Variants in SOX6 observed in about 807,000 individuals in gnomAD.
SOX6 encodes the protein SRY-box transcription factor 6, also known as transcription factor SOX-6.
SOX6 carries 11 observed loss-of-function variants against 97.8 expected under a neutral mutation model. The ratio of observed to expected loss-of-function variants is 0.11; its 90% CI spans 0.07 to 0.19. SOX6 has a LOEUF of 0.19. SOX6 is among the 10% of genes least tolerant of loss of function. The pLI is 1.00. For synonymous variants in SOX6, 360 were observed against 371.4 expected (o/e 0.97, Z 0.35); for missense variants, 810 against 1,039.5 (o/e 0.78, Z 3.04).
intron 1 of SOX6, among the ~76,000 whole-genome samples, chr11:16,365,671 T>C (rs1857339593): frequency 6.6e-6 from 1 of 152,166 alleles, no homozygotes; most frequent in Non-Finnish European, 1.5e-5. Flanking sequence ...GACTGCTGCC[T>C]GCATTTCTGT....
intron 1 of SOX6, among the ~76,000 whole-genome samples, chr11:16,391,456 G>T (rs1168480156): frequency 2.6e-5 from 4 of 152,124 alleles, no homozygotes; most frequent in African/African-American, 9.7e-5. Context: ...AAATTTGTAA[G>T]ATTCTTGCAA....
At chr11:15,987,915 A>C (rs1409798457) in intron 14 of SOX6, among the ~76,000 whole-genome samples, 1 of 152,116 alleles carries the variant, frequency 6.6e-6, no homozygotes, top group Non-Finnish European at 1.5e-5. Context: ...CCACTATTTG[A>C]TCTTATGTAT....
intron 12 of SOX6, among the ~76,000 whole-genome samples, chr11:16,032,885 G>T (rs1855416903): frequency 6.6e-6 from 1 of 152,116 alleles, no homozygotes; most frequent in African/African-American, 2.4e-5. Flanking sequence ...TCCTTTGAGG[G>T]CATTTCAAGT....
intron 3 of SOX6, chr11:16,252,652 T>G (rs1030086855): frequency 6.6e-6 from 1 of 152,190 alleles, no homozygotes; most frequent in Non-Finnish European, 1.5e-5. Context: ...CATTCTGTTC[T>G]TTTTAACAAG....
chr11:16,516,505 G>A (rs1344981738), intron 4 of SOX6, among the ~76,000 whole-genome samples: 8 of 152,036 alleles, frequency 5.3e-5, no homozygotes, highest in South Asian at 4.2e-4. Flanking sequence ...TATCACCACC[G>A]ATCCCACAGA....
intron 3 of SOX6, chr11:16,645,862 T>C (rs1486929741): frequency 1.3e-5 from 2 of 152,192 alleles, no homozygotes; most frequent in African/African-American, 4.8e-5. Flanking sequence ...CAGTTTGTGG[T>C]ACTTTGTTAC....
chr11:16,535,977 A>T (rs562620446), intron 4 of SOX6, among the ~76,000 whole-genome samples: 42 of 152,340 alleles, frequency 2.8e-4, no homozygotes, highest in African/African-American at 9.6e-4. Flanking sequence ...TGACCCAAGC[A>T]TATTTCAATT....
chr11:16,589,104 T>TC (rs1302726306), intron 4 of SOX6, among the ~76,000 whole-genome samples: 1 of 152,186 alleles, frequency 6.6e-6, no homozygotes, highest in East Asian at 1.9e-4. Context: ...CTACTTCCTG[T>TC]CCCAGGTTTC....
chr11:16,459,145 T>C (rs1200620754), intron 1 of SOX6, among the ~76,000 whole-genome samples: 1 of 151,892 alleles, frequency 6.6e-6, no homozygotes, highest in Non-Finnish European at 1.5e-5. Flanking sequence ...CATTCTCCCA[T>C]CATCAAAAGT....
chr11:16,004,440 G>A (rs1854493615), intron 13 of SOX6, among the ~76,000 whole-genome samples: 1 of 151,832 alleles, frequency 6.6e-6, no homozygotes, highest in Non-Finnish European at 1.5e-5. Flanking sequence ...CATTTGTCTG[G>A]GGAATCTGTA....
At chr11:16,694,415 C>T (rs1023631670) in intron 3 of SOX6, among the ~76,000 whole-genome samples, 1 of 151,976 alleles carries the variant, frequency 6.6e-6, no homozygotes, top group Non-Finnish European at 1.5e-5. Flanking sequence ...CCCAGCTATT[C>T]AGGAGGCTAA....
chr11:16,532,272 C>A (rs941023695), intron 4 of SOX6, among the ~76,000 whole-genome samples: 6 of 151,816 alleles, frequency 4.0e-5, no homozygotes, highest in Non-Finnish European at 8.9e-5. Flanking sequence ...TAACACTACT[C>A]TATTTAGGAA....
At chr11:16,156,938 C>G (rs1339406718) in intron 6 of SOX6, among the ~76,000 whole-genome samples, 2 of 151,946 alleles carry the variant, frequency 1.3e-5, no homozygotes, top group Non-Finnish European at 2.9e-5. Flanking sequence ...TATTTGTTTA[C>G]AGTCTCTATC....
chr11:16,253,374 A>G (rs922842204), intron 3 of SOX6, among the ~76,000 whole-genome samples: 8 of 152,020 alleles, frequency 5.3e-5, no homozygotes, highest in African/African-American at 1.9e-4. Context: ...CTGAACAAGC[A>G]TCAGAGCCAG....
At chr11:16,182,451 C>T (rs565951225) in intron 6 of SOX6, among the ~76,000 whole-genome samples, 5 of 151,818 alleles carry the variant, frequency 3.3e-5, no homozygotes, top group African/African-American at 1.2e-4. Flanking sequence ...TTGACCTGAG[C>T]AGTAGGAGCT....
At chr11:16,419,080 AT>A (rs1858979031) in intron 1 of SOX6, among the ~76,000 whole-genome samples, 1 of 152,176 alleles carries the variant, frequency 6.6e-6, no homozygotes. Flanking sequence ...AATTTCTGCT[AT>A]TTTAATATCT....
rs192599258 is a variant in SOX6, at chr11:16,658,874, T to C, written n.430-46614A>G. Among the ~76,000 whole-genome samples the C allele has an allele frequency of 7.9e-3, 1,199 of 152,328 alleles. 14 individuals are homozygous for C. The highest frequency in any genetic ancestry group is 0.027 in the African/African-American group (1,143 of 41,574). On this transcript the variant is annotated intron_variant and non_coding_transcript_variant, in intron 3 of 5. Transcript: ENST00000524520. ...CTCATTAAGAGTATATAAGTAGTTATCCTTTTAGCTAACATGATTGTTTTC... is the reference window on the plus strand; with the variant it reads ...CTCATTAAGAGTATATAAGTAGTTACCCTTTTAGCTAACATGATTGTTTTC...
At chr11:16,025,853 T>A (rs753073053) in intron 12 of SOX6, among the ~76,000 whole-genome samples, 4 of 152,064 alleles carry the variant, frequency 2.6e-5, no homozygotes, top group South Asian at 2.1e-4. Context: ...TCCTATAATT[T>A]AAAAAAATAT....
At chr11:16,172,326 G>T (rs535051396) in intron 6 of SOX6, among the ~76,000 whole-genome samples, 11 of 152,170 alleles carry the variant, frequency 7.2e-5, no homozygotes, top group Non-Finnish European at 1.2e-4. Context: ...AATTAAGTTT[G>T]TGTCACTCTT....
Sources: gnomAD v4.1 joint callset for allele counts (sites outside exome capture counted in the v4.1 genomes callset) on GRCh38, gnomAD v4.1.1 for gene constraint, MANE v1.5 for transcripts, NCBI Gene and HGNC (gene_info 2026-07-23, HGNC 2026-07-21) for gene names.